CFAP299: variants seen among roughly 807,000 people sequenced by gnomAD.
CFAP299 encodes the protein cilia- and flagella-associated protein 299.
CFAP299 carries 21 observed loss-of-function variants against 27.0 expected under a neutral mutation model. The observed-to-expected ratio is 0.78, with a 90% CI of 0.55 to 1.12. The LOEUF (loss-of-function observed/expected upper bound fraction) is 1.12, where lower values mean the gene tolerates loss of function less well. Among genes scored for constraint, CFAP299 ranks in the 50% most tolerant of loss-of-function variants. The probability of loss-of-function intolerance (pLI) is 0.00; values close to 1 mark genes in which losing one functional copy is unlikely to be tolerated. For missense variants in CFAP299, 310 were observed against 276.6 expected (o/e 1.12, Z -0.86); for synonymous variants, 104 against 98.1 (o/e 1.06, Z -0.36).
chr4:80,373,114 C>CTGCATAGACACAGTGGACCTAACCCT (rs1386433552), intron 2 of CFAP299, among the ~76,000 whole-genome samples: 2 of 152,036 alleles, frequency 1.3e-5, no homozygotes, highest in Admixed American at 6.6e-5. Context: ...CCCTGAGTGG[C>CTGCATAGACACAGTGGACCTAACCCT]TGCATAGACA....
chr4:80,509,788 C>G (rs1732206411), intron 2 of CFAP299, among the ~76,000 whole-genome samples: 1 of 151,952 alleles, frequency 6.6e-6, no homozygotes, highest in Non-Finnish European at 1.5e-5. Flanking sequence ...GATGAGACAT[C>G]TAACTTGCCT....
intron 1 of CFAP299, among the ~76,000 whole-genome samples, chr4:80,360,678 G>A (rs1308564956): frequency 6.6e-6 from 1 of 152,158 alleles, no homozygotes; most frequent in Non-Finnish European, 1.5e-5. Flanking sequence ...CCTTCTGATT[G>A]TTATAGGTTT....
intron 3 of CFAP299, among the ~76,000 whole-genome samples, chr4:80,819,311 G>A (rs930735760): frequency 2.0e-5 from 3 of 152,094 alleles, no homozygotes; most frequent in African/African-American, 7.2e-5. Context: ...GCAACTAAAG[G>A]CCAAGCATAG....
At chr4:80,826,531 T>C (rs1481268993) in intron 3 of CFAP299, among the ~76,000 whole-genome samples, 1 of 151,816 alleles carries the variant, frequency 6.6e-6, no homozygotes, top group Non-Finnish European at 1.5e-5. Context: ...TATAAATATT[T>C]ACATACCTAA....
chr4:80,583,193 T>C lies in CFAP299; in HGVS notation c.333+10T>C, dbSNP rs1736262351. The stretch of plus-strand genomic sequence containing the variant: ...CAGTGGAAAACTGAGTGTAAGTACA[T>C]TTCATCCAACAGCTTAAAATGTATA... On this transcript the variant is annotated intron_variant, in intron 3 of 5. Coordinates refer to ENST00000358105, the MANE Select transcript of CFAP299 (RefSeq NM_152770.3). 4 of 1,569,320 alleles carry C rather than the reference T, an allele frequency of 2.5e-6. No individual in the cohort carries two copies. In the East Asian group the frequency reaches 6.8e-5, roughly 27 times the overall value.
intron 2 of CFAP299, among the ~76,000 whole-genome samples, chr4:80,550,185 A>G (rs1734429733): frequency 6.6e-6 from 1 of 152,142 alleles, no homozygotes; most frequent in Non-Finnish European, 1.5e-5. Context: ...CCATTACTAT[A>G]GATTTTATTT....
intron 2 of CFAP299, among the ~76,000 whole-genome samples, chr4:80,430,271 A>C (rs1727746526): frequency 6.6e-6 from 1 of 152,178 alleles, no homozygotes; most frequent in African/African-American, 2.4e-5. Context: ...GAGGACAATA[A>C]ACAAAACAAA....
chr4:80,498,521 C>T (rs1731571489), intron 2 of CFAP299, among the ~76,000 whole-genome samples: 1 of 151,608 alleles, frequency 6.6e-6, no homozygotes, highest in South Asian at 2.1e-4. Flanking sequence ...TACAGAAATA[C>T]AAATAAAAAT....
intron 2 of CFAP299, among the ~76,000 whole-genome samples, chr4:80,502,518 G>T (rs926919443): frequency 5.3e-5 from 8 of 151,784 alleles, no homozygotes; most frequent in African/African-American, 1.7e-4. Context: ...AGTTATTCTG[G>T]AAAAAAACAA....
At chr4:80,830,469 A>G (rs1730239525) in intron 3 of CFAP299, among the ~76,000 whole-genome samples, 1 of 152,084 alleles carries the variant, frequency 6.6e-6, no homozygotes, top group Non-Finnish European at 1.5e-5. Flanking sequence ...ACCTGGTCCA[A>G]GATAGAGTCT....
intron 3 of CFAP299, among the ~76,000 whole-genome samples, chr4:80,678,654 G>T (rs555141520): frequency 3.4e-4 from 51 of 152,064 alleles, no homozygotes; most frequent in African/African-American, 1.2e-3. Flanking sequence ...TCCTGGCAGT[G>T]TTCAATCTAA....
chr4:80,819,863 C>T (rs1729610966), intron 3 of CFAP299, among the ~76,000 whole-genome samples: 1 of 152,088 alleles, frequency 6.6e-6, no homozygotes, highest in Non-Finnish European at 1.5e-5. Context: ...CTAGTCAAAG[C>T]CTCAGGAGCA....
At chr4:80,898,670 T>G (rs1160110449) in intron 4 of CFAP299, among the ~76,000 whole-genome samples, 2 of 152,038 alleles carry the variant, frequency 1.3e-5, no homozygotes, top group African/African-American at 4.8e-5. Flanking sequence ...AACCCAGCTG[T>G]AAGATAATCT....
At chr4:80,932,025 G>A (rs1736651207) in intron 4 of CFAP299, among the ~76,000 whole-genome samples, 1 of 152,070 alleles carries the variant, frequency 6.6e-6, no homozygotes, top group Non-Finnish European at 1.5e-5. Flanking sequence ...AGGACTTTTG[G>A]AGCCTGAGAA....
At chr4:80,818,096 T>C (rs772637192) in intron 3 of CFAP299, among the ~76,000 whole-genome samples, 3 of 152,124 alleles carry the variant, frequency 2.0e-5, no homozygotes, top group South Asian at 2.1e-4. Context: ...CCTGAGACCA[T>C]GCGGCATTTG....
chr4:80,916,279 A>G (rs1578236153), intron 4 of CFAP299, among the ~76,000 whole-genome samples: 1 of 110,678 alleles, frequency 9.0e-6, no homozygotes, highest in Admixed American at 1.1e-4. Flanking sequence ...ATATATATAT[A>G]TATATATATA....
intron 3 of CFAP299, among the ~76,000 whole-genome samples, chr4:80,724,915 C>G (rs1723064395): frequency 1.5e-5 from 2 of 130,264 alleles, no homozygotes; most frequent in Admixed American, 1.6e-4. Context: ...TTCTTTCTTT[C>G]CTTCTTTCTT....
chr4:80,756,672 G>A (rs972409551), intron 3 of CFAP299, among the ~76,000 whole-genome samples: 1 of 152,112 alleles, frequency 6.6e-6, no homozygotes, highest in Non-Finnish European at 1.5e-5. Flanking sequence ...ATTTGTTTAT[G>A]AGTTATTTAT....
chr4:80,753,103 G>C (rs1044207969), intron 3 of CFAP299, among the ~76,000 whole-genome samples: 4 of 151,968 alleles, frequency 2.6e-5, no homozygotes, highest in African/African-American at 9.6e-5. Context: ...AATTTGTGTA[G>C]GTCTAAGTTT....
Sources: allele counts gnomAD v4.1 joint callset (sites outside exome capture counted in the v4.1 genomes callset), GRCh38; gene constraint gnomAD v4.1.1; transcripts MANE v1.5; gene names NCBI Gene and HGNC (gene_info 2026-07-23, HGNC 2026-07-21).